The following RHOH variants were observed in gnomAD, a reference collection of about 807,000 sequenced individuals.
RHOH encodes ras homolog family member H, also known as rho-related GTP-binding protein RhoH.
Under a neutral mutation model 13.8 loss-of-function variants are expected in RHOH, and 6 were observed. The observed-to-expected ratio is 0.44, with a 90% CI of 0.24 to 0.86. The LOEUF is 0.86. RHOH is among the 40% of genes least tolerant of loss of function. The pLI, the probability that RHOH is intolerant of heterozygous loss-of-function variation, is 0.24. For synonymous variants in RHOH, 117 were observed against 103.0 expected, an observed-to-expected ratio of 1.14 and a Z score of -0.82; for missense variants, 147 against 244.5, an observed-to-expected ratio of 0.60 and a Z score of 2.66.
chr4:40,206,464 T>A (rs939571675), intron 1 of RHOH, among the ~76,000 whole-genome samples: 16 of 152,108 alleles, frequency 1.1e-4, no homozygotes, highest in African/African-American at 3.9e-4. Context: ...ATATTTAGAG[T>A]CAAATTTAAA....
At chr4:40,199,974 C>T (rs2381495) in intron 1 of RHOH, among the ~76,000 whole-genome samples, 4 of 152,222 alleles carry the variant, frequency 2.6e-5, no homozygotes, top group Non-Finnish European at 4.4e-5. Flanking sequence ...ACGTGAGTCA[C>T]ACGGTGATAG....
chr4:40,211,743 C>A (rs748044798), intron 1 of RHOH, among the ~76,000 whole-genome samples: 1 of 151,848 alleles, frequency 6.6e-6, no homozygotes, highest in Admixed American at 6.6e-5. Flanking sequence ...CTGATAGTTC[C>A]GTTAGTTTGT....
chr4:40,215,680 G>A (rs930973541), intron 1 of RHOH, among the ~76,000 whole-genome samples: 14 of 152,240 alleles, frequency 9.2e-5, no homozygotes, highest in Non-Finnish European at 1.8e-4. Flanking sequence ...TGTAATCCCA[G>A]CACTTTGGGA....
upstream of RHOH, among the ~76,000 whole-genome samples, chr4:40,192,651 A>G (rs114090488): frequency 6.6e-6 from 1 of 152,246 alleles, no homozygotes. Flanking sequence ...TTCTTTTGCC[A>G]TATCAGAGAA....
intron 1 of RHOH, chr4:40,200,576 T>C (rs968483757): frequency 3.3e-5 from 5 of 152,186 alleles, no homozygotes; most frequent in African/African-American, 1.2e-4. Flanking sequence ...GTAAGTTGAA[T>C]AAGTGCTGAA....
intron 1 of RHOH, among the ~76,000 whole-genome samples, chr4:40,197,597 G>A (rs757001861): frequency 8.5e-5 from 13 of 152,270 alleles, no homozygotes; most frequent in South Asian, 2.1e-4. Context: ...GAGCTCAACT[G>A]TATGGGTAGT....
chr4:40,239,681 G>A (rs1463183365), intron 1 of RHOH, among the ~76,000 whole-genome samples: 1 of 151,698 alleles, frequency 6.6e-6, no homozygotes, highest in Non-Finnish European at 1.5e-5. Context: ...GAGTTTGAGA[G>A]CAGTCTGGCC....
chr4:40,231,112 C>T (rs147847213), intron 1 of RHOH, among the ~76,000 whole-genome samples: 1 of 152,144 alleles, frequency 6.6e-6, no homozygotes, highest in Admixed American at 6.5e-5. Flanking sequence ...CAGAGACAAG[C>T]CAGTGGGCAC....
At chr4:40,234,596 G>T (rs957990559) in intron 1 of RHOH, among the ~76,000 whole-genome samples, 3 of 152,078 alleles carry the variant, frequency 2.0e-5, no homozygotes, top group Non-Finnish European at 4.4e-5. Flanking sequence ...AGCTTAATAT[G>T]TTGAAATAAT....
chr4:40,206,498 C>G (rs562608539), intron 1 of RHOH, among the ~76,000 whole-genome samples: 1 of 152,086 alleles, frequency 6.6e-6, no homozygotes. Context: ...ATTACAAAAA[C>G]CTTTAAGGGG....
chr4:40,203,070 C>G (rs1724209244), intron 1 of RHOH, among the ~76,000 whole-genome samples: 1 of 152,104 alleles, frequency 6.6e-6, no homozygotes, highest in Non-Finnish European at 1.5e-5. Context: ...TTCCCGGGTT[C>G]ACGCCATTCT....
chr4:40,197,030 T>C (rs1723220246), upstream of RHOH: 1 of 151,986 alleles, frequency 6.6e-6, no homozygotes, highest in African/African-American at 2.4e-5. Flanking sequence ...TAATCTCTTT[T>C]GTCACATTCG....
chr4:40,221,679 A>G (rs1726601960), intron 1 of RHOH, among the ~76,000 whole-genome samples: 1 of 152,156 alleles, frequency 6.6e-6, no homozygotes, highest in Non-Finnish European at 1.5e-5. Context: ...GGGCCTCCCT[A>G]TTCTCTGAGA....
At chr4:40,225,944 C>T (rs1229017106) in intron 1 of RHOH, among the ~76,000 whole-genome samples, 1 of 152,090 alleles carries the variant, frequency 6.6e-6, no homozygotes, top group East Asian at 1.9e-4. Flanking sequence ...TGCCCTAGTT[C>T]CCCCAGCTGT....
chr4:40,212,065 A>C (rs1725333601), intron 1 of RHOH, among the ~76,000 whole-genome samples: 1 of 152,164 alleles, frequency 6.6e-6, no homozygotes, highest in South Asian at 2.1e-4. Flanking sequence ...TAGATGATTA[A>C]ATTTGGAGGC....
chr4:40,193,888 C>T (rs1722872766), upstream of RHOH: 1 of 152,282 alleles, frequency 6.6e-6, no homozygotes, highest in African/African-American at 2.4e-5. Context: ...TGGAGTACGT[C>T]TCCACTTTCG....
In RHOH at chr4:40,243,764, C is replaced by A. The variant is rs368622526; in HGVS notation, c.378C>A (p.His126Gln). 1.2e-6 allele frequency: 2 copies of A among 1,614,080 alleles called. No individual in the cohort carries two copies. The highest frequency in any genetic ancestry group is 1.1e-5 in the South Asian group (1 of 91,086). ...TQTDQREMGP[H>Q]RASCVNAMEG... is the part of the protein sequence containing the mutation. ...CTGACCAGCGGGAGATGGGGCCCCA[C>A]AGGGCCTCCTGCGTCAATGCCATGG... Residue 126 changes from histidine to glutamine, a missense_variant, in exon 3 of 3, where the codon CAC becomes CAA. By Grantham distance (24) the His-to-Gln change is conservative. Coordinates refer to ENST00000381799, the MANE Select transcript of RHOH (RefSeq NM_004310.5). This position sits in a 1 kb window ranked among gnomAD's most constrained non-coding sequence, Gnocchi z 6.2.
upstream of RHOH, among the ~76,000 whole-genome samples, chr4:40,194,907 G>A (rs892424966): frequency 7.2e-5 from 11 of 152,190 alleles, no homozygotes; most frequent in African/African-American, 2.2e-4. Context: ...CACTTCAGCC[G>A]TGTTGTCTTC....
upstream of RHOH, among the ~76,000 whole-genome samples, chr4:40,194,163 G>T (rs1272185858): frequency 6.6e-6 from 1 of 152,082 alleles, no homozygotes; most frequent in Non-Finnish European, 1.5e-5. Context: ...TTAGAAACTT[G>T]GATGAGAGAA....
Sources: gnomAD v4.1 joint callset for allele counts (sites outside exome capture counted in the v4.1 genomes callset) on GRCh38, gnomAD v4.1.1 for gene constraint, Gnocchi (gnomAD v3.1) non-coding constraint, MANE v1.5 for transcripts, NCBI Gene and HGNC (gene_info 2026-07-23, HGNC 2026-07-21) for gene names.